Variants in NR6A1 observed in about 807,000 individuals in gnomAD.
NR6A1 encodes the protein nuclear receptor subfamily 6 group A member 1, also known as retinoic acid receptor-related testis-associated receptor.
Under a neutral mutation model 59.1 loss-of-function variants are expected in NR6A1, and 7 were observed. That is an observed-to-expected ratio of 0.12 (90% CI 0.07 to 0.22). The LOEUF is 0.22. Among genes scored for constraint, NR6A1 ranks in the 10% least tolerant of loss-of-function variants. The pLI is 1.00. For missense variants in NR6A1, 468 were observed against 611.6 expected, an observed-to-expected ratio of 0.77 and a Z score of 2.48; for synonymous variants, 243 against 236.1, an observed-to-expected ratio of 1.03 and a Z score of -0.27.
At chr9:124,745,671 TAA>T (rs11334137) in intron 1 of NR6A1, among the ~76,000 whole-genome samples, 364 of 121,374 alleles carry the variant, frequency 3.0e-3, no homozygotes, top group Admixed American at 5.6e-3. Flanking sequence ...AACTCTGTCT[TAA>T]AAAAAAAAAA....
intron 2 of NR6A1, among the ~76,000 whole-genome samples, chr9:124,717,785 G>T (rs1376986187): frequency 6.6e-6 from 1 of 152,190 alleles, no homozygotes; most frequent in Non-Finnish European, 1.5e-5. Flanking sequence ...CCACTTACCA[G>T]CTGTGTGACC....
At chr9:124,691,053 A>G (rs145556383) in intron 2 of NR6A1, among the ~76,000 whole-genome samples, 55 of 152,336 alleles carry the variant, frequency 3.6e-4, no homozygotes, top group African/African-American at 1.3e-3. Flanking sequence ...TAAAGTCTAA[A>G]TATTTATCCA....
At chr9:124,558,902 C>T (rs896750297) in intron 2 of NR6A1, among the ~76,000 whole-genome samples, 5 of 152,150 alleles carry the variant, frequency 3.3e-5, no homozygotes, top group African/African-American at 9.7e-5. Context: ...GAAGCAAATG[C>T]CCCTAATCGT....
chr9:124,622,370 C>T (rs751966402), intron 2 of NR6A1, among the ~76,000 whole-genome samples: 1 of 152,156 alleles, frequency 6.6e-6, no homozygotes, highest in Non-Finnish European at 1.5e-5. Flanking sequence ...CCCTAAGTCC[C>T]GTTTTCCAGA....
intron 1 of NR6A1, among the ~76,000 whole-genome samples, chr9:124,765,753 AAACTCTG>A (rs754688747): frequency 1.8e-3 from 281 of 152,344 alleles, no homozygotes; most frequent in Non-Finnish European, 3.6e-3. Flanking sequence ...ACCACTGAAA[AAACTCTG>A]GGTTTTTTTG....
chr9:124,682,440 C>A (rs1838195646), intron 2 of NR6A1, among the ~76,000 whole-genome samples: 1 of 152,240 alleles, frequency 6.6e-6, no homozygotes, highest in African/African-American at 2.4e-5. Context: ...TATACTTTAA[C>A]CCAAACAGTA....
intron 2 of NR6A1, among the ~76,000 whole-genome samples, chr9:124,683,669 T>C (rs934327033): frequency 3.3e-5 from 5 of 152,220 alleles, no homozygotes; most frequent in African/African-American, 1.2e-4. Flanking sequence ...TGGCACCACC[T>C]GTAATCCCAA....
At chr9:124,585,562 G>C (rs906391732) in intron 2 of NR6A1, among the ~76,000 whole-genome samples, 15 of 136,392 alleles carry the variant, frequency 1.1e-4, no homozygotes, top group Admixed American at 5.1e-4. Flanking sequence ...AAAAAAAGGG[G>C]GGGGGGGGCA....
chr9:124,566,255 G>A (rs1834237413), intron 2 of NR6A1, among the ~76,000 whole-genome samples: 1 of 152,246 alleles, frequency 6.6e-6, no homozygotes, highest in Non-Finnish European at 1.5e-5. Flanking sequence ...GAGACATACA[G>A]TGTTAAGAGT....
chr9:124,592,977 A>G (rs1309259232), intron 2 of NR6A1, among the ~76,000 whole-genome samples: 2 of 152,260 alleles, frequency 1.3e-5, no homozygotes, highest in African/African-American at 4.8e-5. Flanking sequence ...GGAATGTTAC[A>G]GGGTTTGGGA....
chr9:124,528,737 CA>C (rs1833013931), intron 7 of NR6A1, among the ~76,000 whole-genome samples: 1 of 151,410 alleles, frequency 6.6e-6, no homozygotes, highest in Non-Finnish European at 1.5e-5. Flanking sequence ...AAAACCAAAC[CA>C]ACCAACCAAC....
At chr9:124,550,509 C>T (rs756803555) in intron 3 of NR6A1, among the ~76,000 whole-genome samples, 5 of 151,252 alleles carry the variant, frequency 3.3e-5, no homozygotes, top group South Asian at 2.1e-4. Flanking sequence ...CACATGCCAC[C>T]GCGCCAGCTA....
At chr9:124,632,244 C>A (rs1415768309) in intron 2 of NR6A1, among the ~76,000 whole-genome samples, 1 of 152,214 alleles carries the variant, frequency 6.6e-6, no homozygotes, top group African/African-American at 2.4e-5. Flanking sequence ...GGAATTGCCA[C>A]ACTCTTCCAC....
At chr9:124,661,633 G>A (rs1373389855) in intron 2 of NR6A1, among the ~76,000 whole-genome samples, 2 of 152,152 alleles carry the variant, frequency 1.3e-5, no homozygotes, top group Non-Finnish European at 2.9e-5. Flanking sequence ...CAGATTTAAT[G>A]GTGCTGGTAA....
Position 124,771,185 on chromosome 9 carries a change from G to A in NR6A1, c.-66C>T, listed in dbSNP as rs1841150780. On this transcript the variant is annotated 5_prime_UTR_variant, in exon 1 of 10. Coordinates refer to ENST00000487099, the MANE Select transcript of NR6A1 (RefSeq NM_033334.4). The stretch of plus-strand genomic sequence containing the variant: ...CATGACCGGCGCCCTAGTCGCCGTG[G>A]TCGTCGTCCGCCGAGGGGAGGAGGT... 6 of 936,086 alleles carry A rather than the reference G, an allele frequency of 6.4e-6. No individual in the cohort carries two copies. The highest frequency in any genetic ancestry group is 8.4e-6 in the Non-Finnish European group (6 of 717,480). The allele number at this position is 936,086 out of a possible 1,614,324, so 58.0% of individuals were successfully genotyped here.
rs958516278 is a variant in NR6A1 at position 124,660,326 on chromosome 9, T to C, written c.142+72982A>G. Among the ~76,000 whole-genome samples, 3 of 152,236 alleles carry C rather than the reference T, an allele frequency of 2.0e-5. No individual in the cohort carries two copies. In the East Asian group the frequency reaches 5.8e-4, roughly 29 times the overall value. On this transcript the variant is annotated intron_variant, in intron 2 of 9. Transcript: ENST00000487099. ...GTGTGAATAAAATGATACTTGGGAA[T>C]GTTTCTCCCTCGTACCACAAAGGAT...
In NR6A1 at chr9:124,522,807, G is replaced by A; in HGVS notation, c.1355-14C>T. 1 of 1,567,766 alleles carries A rather than the reference G, an allele frequency of 6.4e-7. No individual in the cohort carries two copies. The highest frequency in any genetic ancestry group is 8.7e-7 in the Non-Finnish European group (1 of 1,156,050). ...TCACCATCTTTCCTGGGAACAAGGG[G>A]GGAGAAGAAGAGTTAGCAGTGGTCA... On this transcript the variant is annotated splice_polypyrimidine_tract_variant and intron_variant, in intron 9 of 9. Transcript: ENST00000487099.
chr9:124,559,873 CTTAAAACA>C (rs1415205864), intron 2 of NR6A1, among the ~76,000 whole-genome samples: 20 of 152,312 alleles, frequency 1.3e-4, no homozygotes, highest in African/African-American at 4.8e-4. Flanking sequence ...CAAAATCTCT[CTTAAAACA>C]AAGTATCCAG....
intron 2 of NR6A1, among the ~76,000 whole-genome samples, chr9:124,585,962 G>A (rs1463072064): frequency 6.6e-6 from 1 of 152,136 alleles, no homozygotes; most frequent in African/African-American, 2.4e-5. Flanking sequence ...GAGACCTACT[G>A]CTCAGAAACA....
Sources: gnomAD v4.1 joint callset for allele counts (sites outside exome capture counted in the v4.1 genomes callset) on GRCh38, gnomAD v4.1.1 for gene constraint, MANE v1.5 for transcripts, NCBI Gene and HGNC (gene_info 2026-07-23, HGNC 2026-07-21) for gene names.